The following LMO7 variants were observed in gnomAD, a reference collection of about 807,000 sequenced individuals.
The protein encoded by LMO7 is LIM domain only protein 7.
A neutral mutation model predicts 206.5 loss-of-function variants in LMO7; 120 were observed. The ratio of observed to expected loss-of-function variants is 0.58; its 90% CI spans 0.50 to 0.68. The LOEUF (loss-of-function observed/expected upper bound fraction) is 0.68, where lower values mean the gene tolerates loss of function less well. Among genes scored for constraint, LMO7 ranks in the 30% least tolerant of loss-of-function variants. LMO7 has a pLI of 0.00. For missense variants in LMO7, 1,959 were observed against 1,957.9 expected (o/e 1.00, Z -0.01); for synonymous variants, 706 against 681.5 (o/e 1.04, Z -0.56).
intron 4 of LMO7, among the ~76,000 whole-genome samples, chr13:75,792,972 G>A (rs1180317560): frequency 2.0e-5 from 3 of 152,152 alleles, no homozygotes; most frequent in Non-Finnish European, 4.4e-5. Flanking sequence ...AAACAAATGA[G>A]TATGTTGGAT....
Position 75,807,787 on chromosome 13 carries a change from T to C in LMO7, c.1504T>C (p.Cys502Arg), listed in dbSNP as rs775456034. The C allele has an allele frequency of 1.9e-6, 3 of 1,613,874 alleles. No individual in the cohort carries two copies. In the South Asian group the frequency reaches 3.3e-5, roughly 18 times the overall value. Residue 502 changes from cysteine (C) to arginine (R), a missense_variant, in exon 10 of 31, where the codon TGT becomes CGT. Physicochemically the swap from Cys to Arg is radical, Grantham distance 180. Coordinates refer to ENST00000377534, the MANE Select transcript of LMO7 (RefSeq NM_001306080.2). ...DSVERDIILQCREGELVLPDL... is the reference protein window; with the variant it reads ...DSVERDIILQRREGELVLPDL... Reference sequence around the variant, plus strand: ...TGTAGAGCGAGATATAATTTTACAGTGTAGAGAAGGTGAACTTGTACTTCC... The same window carrying C: ...TGTAGAGCGAGATATAATTTTACAGCGTAGAGAAGGTGAACTTGTACTTCC...
intron 1 of LMO7, among the ~76,000 whole-genome samples, chr13:75,646,347 A>C (rs2093751): frequency 0.3 from 45,964 of 152,052 alleles, 7,128 homozygotes; most frequent in Middle Eastern, 0.35. Flanking sequence ...AAATAGCAGC[A>C]AGATTCCTCT....
At chr13:75,847,132 C>T (rs1211673219) in intron 26 of LMO7, among the ~76,000 whole-genome samples, 3 of 151,810 alleles carry the variant, frequency 2.0e-5, no homozygotes, top group African/African-American at 7.3e-5. Context: ...AACCTTTGGT[C>T]TTGCTCATTG....
intron 4 of LMO7, among the ~76,000 whole-genome samples, chr13:75,772,384 T>C (rs143336838): frequency 2.6e-5 from 4 of 152,250 alleles, no homozygotes; most frequent in Admixed American, 2.6e-4. Context: ...TTAAAGCTAT[T>C]AAATGTATAA....
intron 1 of LMO7, among the ~76,000 whole-genome samples, chr13:75,663,135 T>TA (rs1252137538): frequency 6.6e-6 from 1 of 151,972 alleles, no homozygotes; most frequent in Non-Finnish European, 1.5e-5. Context: ...TTTTTTTTTT[T>TA]ACTATAAATC....
rs1437752267 is a variant in LMO7 at position 75,697,845 on chromosome 13, T to C, written c.70-15337T>C. 7.9e-5 allele frequency among the ~76,000 whole-genome samples: 12 copies of C among 152,324 alleles called. No individual in the cohort carries two copies. In the South Asian group the frequency reaches 1.2e-3, roughly 16 times the overall value. On this transcript the variant is annotated intron_variant, in intron 1 of 30. Transcript: ENST00000377534. ...GCTGTCAGTGTATCTACTTTTGAGA[T>C]AAATAAGCTGGAAACTTTGTTGAGA...
chr13:75,719,479 G>C (rs1338473590), intron 2 of LMO7, among the ~76,000 whole-genome samples: 1 of 152,088 alleles, frequency 6.6e-6, no homozygotes, highest in African/African-American at 2.4e-5. Context: ...CCAGTGTTGG[G>C]GGAGGGACCT....
intron 4 of LMO7, among the ~76,000 whole-genome samples, chr13:75,772,603 T>G (rs1207393543): frequency 6.6e-6 from 1 of 152,082 alleles, no homozygotes; most frequent in Non-Finnish European, 1.5e-5. Context: ...CTCATATGAC[T>G]CCAAACCCAG....
At chr13:75,836,489 A>ATT in intron 19 of LMO7, 32 bp downstream of exon 19, 1 of 1,144,478 alleles carries the variant, frequency 8.7e-7, no homozygotes, top group Non-Finnish European at 1.3e-6. Context: ...TACATTTATA[A>ATT]TACAGGAAAA....
intron 4 of LMO7, among the ~76,000 whole-genome samples, chr13:75,790,115 G>T (rs1055208775): frequency 6.6e-6 from 1 of 152,118 alleles, no homozygotes; most frequent in African/African-American, 2.4e-5. Flanking sequence ...AAAAGGGCAA[G>T]GAAAGTATAA....
chr13:75,635,711 G>C (rs2035711609), upstream of LMO7: 1 of 152,178 alleles, frequency 6.6e-6, no homozygotes, highest in Non-Finnish European at 1.5e-5. Context: ...CGGGCGGAGC[G>C]GGGCCGAACT....
At chr13:75,762,154 TC>T (rs2048299212) in intron 4 of LMO7, among the ~76,000 whole-genome samples, 1 of 152,146 alleles carries the variant, frequency 6.6e-6, no homozygotes, top group African/African-American at 2.4e-5. Flanking sequence ...TGCTTCTAGT[TC>T]TGTTGAATAA....
In LMO7 at chr13:75,713,263, A is replaced by G. The variant is rs1455221546; in HGVS notation, c.140+11A>G. The G allele has an allele frequency of 1.3e-6, 2 of 1,585,618 alleles. No individual in the cohort carries two copies. Among genetic ancestry groups the G allele is most frequent in the East Asian group, 4.5e-5 (2 of 44,458 alleles). The stretch of plus-strand genomic sequence containing the variant: ...TGTTCTGCTGTGTGAGTAAGTATTT[A>G]AAGTATTTAAAAAATAATTCAAAAG... On this transcript the variant is annotated intron_variant, in intron 2 of 30. Coordinates refer to ENST00000377534, the MANE Select transcript of LMO7 (RefSeq NM_001306080.2).
chr13:75,674,097 T>C (rs944887233), intron 1 of LMO7, among the ~76,000 whole-genome samples: 4 of 152,248 alleles, frequency 2.6e-5, no homozygotes, highest in African/African-American at 9.6e-5. Flanking sequence ...AGTCACAATT[T>C]CATAAATTTG....
intron 4 of LMO7, among the ~76,000 whole-genome samples, chr13:75,769,549 T>A (rs936813807): frequency 2.6e-5 from 4 of 152,148 alleles, no homozygotes; most frequent in African/African-American, 9.6e-5. Context: ...ATGTAAATGA[T>A]TGATATTTTT....
chr13:75,737,764 A>AAAAT (rs1482974702), intron 3 of LMO7, among the ~76,000 whole-genome samples: 11 of 26,728 alleles, frequency 4.1e-4, no homozygotes, highest in African/African-American at 1.4e-3. Flanking sequence ...AAAAAAAAAA[A>AAAAT]AATAAAATAA....
intron 4 of LMO7, among the ~76,000 whole-genome samples, chr13:75,767,014 A>G (rs2048991970): frequency 6.6e-6 from 1 of 152,120 alleles, no homozygotes; most frequent in Admixed American, 6.6e-5. Context: ...CCTTTTACTT[A>G]TACCAGAATA....
chr13:75,636,280 G>A (rs1285592006), upstream of LMO7: 3 of 1,062,598 alleles, frequency 2.8e-6, no homozygotes, highest in African/African-American at 3.5e-5. Flanking sequence ...GTGGGCCGGG[G>A]CGGGGCCACC....
chr13:75,746,600 G>T (rs752194161), intron 3 of LMO7, among the ~76,000 whole-genome samples: 1 of 152,186 alleles, frequency 6.6e-6, no homozygotes, highest in African/African-American at 2.4e-5. Context: ...TGATGGATCT[G>T]CCAACAATGG....
Sources: allele counts gnomAD v4.1 joint callset (sites outside exome capture counted in the v4.1 genomes callset), GRCh38; gene constraint gnomAD v4.1.1; transcripts MANE v1.5; gene names NCBI Gene and HGNC (gene_info 2026-07-23, HGNC 2026-07-21).